The following MARCHF3 variants were observed in gnomAD, a reference collection of about 807,000 sequenced individuals.
The protein encoded by MARCHF3 is E3 ubiquitin-protein ligase MARCHF3.
MARCHF3 carries 13 observed loss-of-function variants against 24.2 expected under a neutral mutation model. The observed-to-expected ratio is 0.54, with a 90% confidence interval of 0.35 to 0.85. The LOEUF is 0.85. MARCHF3 is among the 40% of genes least tolerant of loss of function. The pLI is 0.01. For missense variants in MARCHF3, 276 were observed against 325.0 expected (o/e 0.85, Z 1.16); for synonymous variants, 144 against 137.3 (o/e 1.05, Z -0.34).
chr5:126,968,776 T>C (rs1042097811), intron 1 of MARCHF3, among the ~76,000 whole-genome samples: 7 of 152,304 alleles, frequency 4.6e-5, no homozygotes, highest in East Asian at 1.9e-4. Flanking sequence ...GGTTTCGCCA[T>C]GTTGGCCTGG....
At position 127,000,801 on chromosome 5, in the gene MARCHF3, G is replaced by C. The variant is rs903497828; in HGVS notation, c.-57+29549C>G. Among the ~76,000 whole-genome samples, 17 of 152,084 alleles carry C rather than the reference G, an allele frequency of 1.1e-4. 1 individual carries two copies. Among genetic ancestry groups the C allele is most frequent in the African/African-American group, 3.1e-4 (13 of 41,524 alleles). On this transcript the variant is annotated intron_variant, in intron 1 of 4. Transcript: ENST00000308660. ...GCAAGCTCCACCTCCCGAGTAGCTG[G>C]GACTACAGGCGCCCGCCACCACGCC...
chr5:126,975,945 C>T lies in MARCHF3; in HGVS notation c.-57+54405G>A, dbSNP rs543751745. Among the ~76,000 whole-genome samples, 13 of 152,304 alleles carry T rather than the reference C, an allele frequency of 8.5e-5. No homozygotes were observed. In the South Asian group the frequency reaches 2.7e-3, roughly 32 times the overall value. ...ATTCCCAGTAGGCCTGTGCCAATGC[C>T]TCTTTGGGTTTCTTTCACTCCCTTT... is the stretch of plus-strand genomic sequence containing the variant. On this transcript the variant is annotated intron_variant, in intron 1 of 4. Transcript: ENST00000308660.
rs553146682 is a variant in MARCHF3, at chr5:127,017,392, C to G, written c.-57+12958G>C. On this transcript the variant is annotated intron_variant, in intron 1 of 4. Coordinates refer to ENST00000308660, the MANE Select transcript of MARCHF3 (RefSeq NM_178450.5). ...AAAAAAACTAAAGTTGAGTATTACT[C>G]AAACTTCCCTCTTGTACAGATGCTT... Among the ~76,000 whole-genome samples, 3 of 152,170 alleles carry G rather than the reference C, an allele frequency of 2.0e-5. No homozygotes were observed. In the East Asian group the frequency reaches 5.8e-4, roughly 29 times the overall value.
chr5:127,007,506 C>T (rs1752346964), intron 1 of MARCHF3, among the ~76,000 whole-genome samples: 1 of 151,984 alleles, frequency 6.6e-6, no homozygotes, highest in Non-Finnish European at 1.5e-5. Context: ...TAGGAAATTT[C>T]TCAAGGCCAA....
At chr5:126,884,949 C>T (rs1289624666) in intron 3 of MARCHF3, among the ~76,000 whole-genome samples, 5 of 152,306 alleles carry the variant, frequency 3.3e-5, no homozygotes, top group African/African-American at 1.2e-4. Context: ...GTACTATAAG[C>T]CCTGACTTCA....
chr5:126,974,187 G>A (rs939472227), intron 1 of MARCHF3, among the ~76,000 whole-genome samples: 21 of 152,098 alleles, frequency 1.4e-4, no homozygotes, highest in Non-Finnish European at 3.1e-4. Context: ...GTGAGCCACC[G>A]CGCCCGGCCG....
chr5:127,015,832 C>T (rs1752622096), intron 1 of MARCHF3, among the ~76,000 whole-genome samples: 1 of 152,122 alleles, frequency 6.6e-6, no homozygotes, highest in Admixed American at 6.5e-5. Flanking sequence ...ACAAAGAATT[C>T]ATAAGTTTTA....
intron 1 of MARCHF3, among the ~76,000 whole-genome samples, chr5:126,948,837 C>T (rs958427946): frequency 6.6e-6 from 1 of 152,094 alleles, no homozygotes; most frequent in Non-Finnish European, 1.5e-5. Flanking sequence ...CTTCAATATC[C>T]ACATCTGGCA....
At chr5:126,909,978 G>C (rs1489786752) in intron 3 of MARCHF3, among the ~76,000 whole-genome samples, 1 of 152,108 alleles carries the variant, frequency 6.6e-6, no homozygotes, top group African/African-American at 2.4e-5. Context: ...TTTCAATTTA[G>C]CTAAACCTCT....
intron 1 of MARCHF3, among the ~76,000 whole-genome samples, chr5:127,010,595 G>C (rs575306613): frequency 6.6e-6 from 1 of 152,132 alleles, no homozygotes; most frequent in Admixed American, 6.5e-5. Context: ...TGTGAGAGCC[G>C]AGCTTCCAAT....
intron 1 of MARCHF3, among the ~76,000 whole-genome samples, chr5:126,941,274 A>G (rs949598849): frequency 7.2e-5 from 11 of 152,236 alleles, no homozygotes; most frequent in African/African-American, 2.7e-4. Flanking sequence ...TGAACTGAAC[A>G]CATAAAAAGC....
At chr5:126,879,275 G>A (rs1314055619) in intron 3 of MARCHF3, among the ~76,000 whole-genome samples, 1 of 152,162 alleles carries the variant, frequency 6.6e-6, no homozygotes, top group Admixed American at 6.5e-5. Context: ...TCCCTTTGCT[G>A]TAATAAACCA....
intron 3 of MARCHF3, among the ~76,000 whole-genome samples, chr5:126,895,985 C>G (rs1365067206): frequency 6.6e-6 from 1 of 152,166 alleles, no homozygotes; most frequent in East Asian, 1.9e-4. Flanking sequence ...GTAGGACCCT[C>G]CAAGCCAGGT....
At chr5:126,880,785 CCCT>C (rs1342678195) in intron 3 of MARCHF3, among the ~76,000 whole-genome samples, 2 of 152,214 alleles carry the variant, frequency 1.3e-5, no homozygotes, top group Non-Finnish European at 2.9e-5. Context: ...TTCAGGTTTT[CCCT>C]GGAAGCAGAT....
intron 1 of MARCHF3, among the ~76,000 whole-genome samples, chr5:126,992,131 C>A (rs1052229436): frequency 1.3e-5 from 2 of 152,160 alleles, no homozygotes; most frequent in Non-Finnish European, 2.9e-5. Context: ...TGTTCCCCCA[C>A]CCCAGCTTCT....
intron 1 of MARCHF3, among the ~76,000 whole-genome samples, chr5:126,983,737 C>T (rs912001091): frequency 3.3e-5 from 5 of 152,120 alleles, no homozygotes; most frequent in Admixed American, 6.5e-5. Flanking sequence ...TGACACTTAA[C>T]GGGAGGCAAA....
chr5:127,001,919 A>C (rs1237511849), intron 1 of MARCHF3, among the ~76,000 whole-genome samples: 2 of 152,232 alleles, frequency 1.3e-5, no homozygotes, highest in Non-Finnish European at 2.9e-5. Context: ...TACACTCTGA[A>C]AAGTCAAGCA....
chr5:126,890,532 G>A (rs1268465324), intron 3 of MARCHF3, among the ~76,000 whole-genome samples: 2 of 149,614 alleles, frequency 1.3e-5, no homozygotes, highest in African/African-American at 2.5e-5. Context: ...GTGAGAATAT[G>A]CAGTGTTTGG....
intron 1 of MARCHF3, among the ~76,000 whole-genome samples, chr5:126,973,311 G>A (rs957771684): frequency 8.5e-5 from 13 of 152,298 alleles, no homozygotes; most frequent in African/African-American, 2.9e-4. Context: ...TGACTATCCT[G>A]TGTCCACGTT....
Sources: gnomAD v4.1 joint callset for allele counts (sites outside exome capture counted in the v4.1 genomes callset) on GRCh38, gnomAD v4.1.1 for gene constraint, MANE v1.5 for transcripts, NCBI Gene and HGNC (gene_info 2026-07-23, HGNC 2026-07-21) for gene names.